FBXL13: variants seen among roughly 807,000 people sequenced by gnomAD.
The protein encoded by FBXL13 is F-box and leucine rich repeat protein 13, also known as F-box and leucine-rich repeat protein 13.
In FBXL13, 67 loss-of-function variants were observed where a neutral mutation model predicts 83.6. The observed-to-expected ratio is 0.80, with a 90% CI of 0.66 to 0.98. The LOEUF (loss-of-function observed/expected upper bound fraction) is 0.98. Ranked by LOEUF, FBXL13 falls within the 50% of genes least tolerant of loss-of-function variation. FBXL13 has a pLI of 0.00. For synonymous variants in FBXL13, 272 were observed against 299.5 expected, an observed-to-expected ratio of 0.91 and a Z score of 0.95; for missense variants, 822 against 866.5, an observed-to-expected ratio of 0.95 and a Z score of 0.64.
intron 11 of FBXL13, among the ~76,000 whole-genome samples, chr7:102,910,135 C>A (rs935675770): frequency 6.6e-6 from 1 of 152,124 alleles, no homozygotes; most frequent in Non-Finnish European, 1.5e-5. Flanking sequence ...TGGGCATCAG[C>A]TGAGTTTGGT....
intron 6 of FBXL13, among the ~76,000 whole-genome samples, chr7:102,974,610 A>T (rs946398795): frequency 6.6e-6 from 1 of 151,998 alleles, no homozygotes; most frequent in African/African-American, 2.4e-5. Context: ...CCCTGTTTGC[A>T]CTCAGATCAC....
intron 8 of FBXL13, chr7:102,934,288 C>G (rs1318359427): frequency 2.6e-5 from 42 of 1,614,128 alleles, no homozygotes; most frequent in Non-Finnish European, 3.6e-5. Context: ...GTGAGGCGTT[C>G]TTTGGTTTAA....
chr7:103,041,022 A>C (rs146593683), intron 2 of FBXL13, among the ~76,000 whole-genome samples: 2 of 152,288 alleles, frequency 1.3e-5, no homozygotes, highest in East Asian at 3.9e-4. Context: ...CCTTCGAAAA[A>C]CCAATGTATC....
intron 17 of FBXL13, among the ~76,000 whole-genome samples, chr7:102,851,130 T>C (rs1805148702): frequency 6.6e-6 from 1 of 152,194 alleles, no homozygotes; most frequent in South Asian, 2.1e-4. Flanking sequence ...GGTAATTTTT[T>C]ATTCTTACTA....
At chr7:102,898,580 C>T (rs1265908037) in intron 11 of FBXL13, among the ~76,000 whole-genome samples, 5 of 152,120 alleles carry the variant, frequency 3.3e-5, no homozygotes, top group African/African-American at 7.2e-5. Flanking sequence ...CATGAGCCAC[C>T]GTGCCTGGCC....
At chr7:102,955,959 C>T (rs1824198223) in intron 8 of FBXL13, among the ~76,000 whole-genome samples, 1 of 152,060 alleles carries the variant, frequency 6.6e-6, no homozygotes, top group African/African-American at 2.4e-5. Flanking sequence ...GAAGTACAAA[C>T]AGGAGGTGGC....
At chr7:102,848,092 G>A (rs1804354933) in intron 17 of FBXL13, among the ~76,000 whole-genome samples, 2 of 152,012 alleles carry the variant, frequency 1.3e-5, no homozygotes, top group Admixed American at 1.3e-4. Flanking sequence ...ATACACACCT[G>A]CCAGTCCTTC....
At chr7:103,030,563 AT>A (rs1392954939) in intron 2 of FBXL13, among the ~76,000 whole-genome samples, 1 of 152,168 alleles carries the variant, frequency 6.6e-6, no homozygotes, top group African/African-American at 2.4e-5. Context: ...AGGTCCCTAA[AT>A]TTCATGAGCT....
chr7:102,918,852 C>G (rs1292004816), intron 10 of FBXL13, among the ~76,000 whole-genome samples: 1 of 152,128 alleles, frequency 6.6e-6, no homozygotes, highest in Non-Finnish European at 1.5e-5. Context: ...TTATAATACT[C>G]TTTTTCTATG....
chr7:103,026,795 TC>T (rs944254614), intron 5 of FBXL13, among the ~76,000 whole-genome samples: 2 of 152,170 alleles, frequency 1.3e-5, no homozygotes, highest in Admixed American at 6.5e-5. Flanking sequence ...GGATTTAACT[TC>T]ACCCCACATT....
intron 6 of FBXL13, among the ~76,000 whole-genome samples, chr7:103,009,534 T>C (rs184997451): frequency 1.3e-5 from 2 of 152,196 alleles, no homozygotes; most frequent in Non-Finnish European, 2.9e-5. Flanking sequence ...CACCCTGCTA[T>C]CACACTTTAG....
chr7:103,029,521 A>T (rs533951691), intron 2 of FBXL13, 103 bp from the exon 4 acceptor site: 1 of 571,404 alleles, frequency 1.8e-6, no homozygotes, highest in South Asian at 3.2e-5. Context: ...GGATGCCAAG[A>T]GGGAAGGGAA....
intron 17 of FBXL13, among the ~76,000 whole-genome samples, chr7:102,838,356 GC>G (rs1263346044): frequency 6.6e-6 from 1 of 152,106 alleles, no homozygotes; most frequent in African/African-American, 2.4e-5. Context: ...CACATAGTTA[GC>G]AGTCAGTAGA....
chr7:102,972,017 G>A (rs565197142), intron 6 of FBXL13, among the ~76,000 whole-genome samples: 1 of 145,252 alleles, frequency 6.9e-6, no homozygotes, highest in East Asian at 2.0e-4. Flanking sequence ...CAGAGTGAGA[G>A]TCCATCTCAA....
At chr7:102,817,469 G>A (rs1025867951) in intron 19 of FBXL13, among the ~76,000 whole-genome samples, 1 of 152,042 alleles carries the variant, frequency 6.6e-6, no homozygotes, top group Admixed American at 6.6e-5. Context: ...GTTTTTGCTT[G>A]TTGATTTGTT....
In FBXL13 at chr7:102,939,453, A is replaced by T. The variant is rs749573832; in HGVS notation, c.725-7520T>A. The T allele has an allele frequency of 2.1e-5, 34 of 1,608,916 alleles. No homozygotes were observed. Among genetic ancestry groups the T allele is most frequent in the Non-Finnish European group, 2.9e-5 (34 of 1,178,706 alleles). On this transcript the variant is annotated intron_variant, in intron 8 of 19. Coordinates refer to ENST00000313221, the Ensembl canonical transcript of FBXL13. ...AGAGTTGAAAAAAGTGCCAAACAAC[A>T]TCCCTCCAGATATTGTTAAACTTGA...
At chr7:102,921,849 A>T (rs538935472) in intron 10 of FBXL13, among the ~76,000 whole-genome samples, 1 of 152,298 alleles carries the variant, frequency 6.6e-6, no homozygotes, top group Admixed American at 6.5e-5. Context: ...GCAGAAGCTC[A>T]ACTGAAGAAA....
intron 11 of FBXL13, among the ~76,000 whole-genome samples, chr7:102,901,117 G>T (rs1051838308): frequency 6.6e-6 from 1 of 152,136 alleles, no homozygotes; most frequent in South Asian, 2.1e-4. Context: ...AGCCCATTGT[G>T]GCCATATGGA....
rs189630542 is a variant in FBXL13, at chr7:103,021,594, G to A, written c.495+3469C>T. ...TTTGCAATCTACTGATCTGGCAAAGGGCTAATATCCAGAATCTACAAAGAA... is the reference window on the plus strand; with the variant it reads ...TTTGCAATCTACTGATCTGGCAAAGAGCTAATATCCAGAATCTACAAAGAA... On this transcript the variant is annotated intron_variant, in intron 6 of 19. Transcript: ENST00000313221. Among the ~76,000 whole-genome samples, 1,173 of 152,232 alleles carry A rather than the reference G, an allele frequency of 7.7e-3. 16 individuals carry two copies. The highest frequency in any genetic ancestry group is 0.027 in the African/African-American group (1,103 of 41,538).
Sources: gnomAD v4.1 joint callset for allele counts (sites outside exome capture counted in the v4.1 genomes callset) on GRCh38, gnomAD v4.1.1 for gene constraint, MANE v1.5 for transcripts, NCBI Gene and HGNC (gene_info 2026-07-23, HGNC 2026-07-21) for gene names.